TGM4: variants seen among roughly 807,000 people sequenced by gnomAD.
TGM4 encodes protein-glutamine gamma-glutamyltransferase 4.
A neutral mutation model predicts 76.3 loss-of-function variants in TGM4; 61 were observed. That is an observed-to-expected ratio of 0.80 (90% confidence interval 0.65 to 0.99). The LOEUF (loss-of-function observed/expected upper bound fraction) is 0.99. Ranked by LOEUF, TGM4 falls within the 50% of genes least tolerant of loss-of-function variation. The pLI is 0.00. For missense variants in TGM4, 794 were observed against 843.2 expected (o/e 0.94, Z 0.72); for synonymous variants, 337 against 329.8 (o/e 1.02, Z -0.24).
intron 1 of TGM4, among the ~76,000 whole-genome samples, chr3:44,880,240 G>A (rs1000584243): frequency 1.3e-5 from 2 of 152,168 alleles, no homozygotes; most frequent in African/African-American, 4.8e-5. Context: ...TTTATCTGTG[G>A]GAATGCCATA....
At chr3:44,874,793 C>T (rs1460975704) in intron 1 of TGM4, 96 bp downstream of exon 1, 5 of 1,462,784 alleles carry the variant, frequency 3.4e-6, no homozygotes, top group Admixed American at 3.6e-5. Context: ...GGGGCCATTG[C>T]CCTCTCACCC....
chr3:44,877,313 T>C (rs1227945293), intron 1 of TGM4, among the ~76,000 whole-genome samples: 1 of 152,104 alleles, frequency 6.6e-6, no homozygotes, highest in Non-Finnish European at 1.5e-5. Flanking sequence ...CCGGGTGTGG[T>C]GGGGTACACC....
chr3:44,913,905 T>G lies in TGM4; in HGVS notation c.*180T>G. ...ACCCACAAGGCCAGGTCCTGTGCTA[T>G]CACAGGGTCACCTCTTTTACAGTTA... On this transcript the variant is annotated 3_prime_UTR_variant, in exon 14 of 14. Transcript: ENST00000296125. 8.6e-6 allele frequency: 6 copies of G among 700,356 alleles called. No individual in the cohort carries two copies. Among genetic ancestry groups the G allele is most frequent in the Non-Finnish European group, 1.4e-5 (6 of 442,928 alleles). The allele number at this position is 700,356 out of a possible 1,614,324, so 43.4% of individuals were successfully genotyped here. A position where few individuals can be genotyped will look rare whatever the true frequency, so the allele number is the denominator to read the frequency against.
At chr3:44,891,191 C>T (rs1460566581) in intron 4 of TGM4, among the ~76,000 whole-genome samples, 1 of 152,210 alleles carries the variant, frequency 6.6e-6, no homozygotes, top group Non-Finnish European at 1.5e-5. Context: ...GTGCTTGAGG[C>T]TACTTCTGCC....
At chr3:44,893,945 ACCCCCCACAGCTCTCTCCTAC>A (rs1699740383) in intron 5 of TGM4, among the ~76,000 whole-genome samples, 6 of 49,738 alleles carry the variant, frequency 1.2e-4, no homozygotes, top group East Asian at 1.3e-3. Flanking sequence ...GCTCTCTCCC[ACCCCCCACAGCTCTCTCCTAC>A]CCCCCATGGC....
chr3:44,907,925 G>C (rs974034648), intron 10 of TGM4, among the ~76,000 whole-genome samples: 44 of 152,186 alleles, frequency 2.9e-4, no homozygotes, highest in Non-Finnish European at 8.8e-5. Flanking sequence ...CCAGACAGGG[G>C]CAAACTGAAG....
intron 10 of TGM4, among the ~76,000 whole-genome samples, chr3:44,908,869 G>A (rs371747596): frequency 1.8e-4 from 28 of 152,092 alleles, no homozygotes; most frequent in African/African-American, 6.8e-4. Flanking sequence ...ACACCACCAT[G>A]TATGGCCTAT....
chr3:44,913,543 C>T (rs1322396142), intron 13 of TGM4, 41 bp from the exon 14 acceptor site: 2 of 1,594,764 alleles, frequency 1.3e-6, no homozygotes, highest in African/African-American at 1.3e-5. Context: ...CCCATAACAT[C>T]CTTGGCTGAT....
At chr3:44,897,318 GA>G (rs943454220) in intron 6 of TGM4, among the ~76,000 whole-genome samples, 2 of 152,156 alleles carry the variant, frequency 1.3e-5, no homozygotes, top group African/African-American at 4.8e-5. Flanking sequence ...AGTCAGACCT[GA>G]GTCTGAACTC....
chr3:44,896,754 A>C lies in TGM4; in HGVS notation c.595A>C (p.Ser199Arg). 1 of 1,614,146 alleles carries C rather than the reference A, an allele frequency of 6.2e-7. No homozygotes were observed. Among genetic ancestry groups the C allele is most frequent in the South Asian group, 1.1e-5 (1 of 91,086 alleles). The change falls in exon 6 of 14, where the codon AGC becomes CGC. Residue 199 changes from serine to arginine, a missense_variant. Ser to Arg is a moderately radical substitution (Grantham distance 110). Coordinates refer to ENST00000296125, the MANE Select transcript of TGM4 (RefSeq NM_003241.4). ...CTGCTGCATTTCCCTGCTGACTGAG[A>C]GCTCCCTCAAGCCCACAGATAGGAG... ...LDCCISLLTESSLKPTDRRDP... is the reference protein window; with the variant it reads ...LDCCISLLTERSLKPTDRRDP...
intron 3 of TGM4, 36 bp from the exon 4 acceptor site, chr3:44,890,566 AG>A: frequency 6.2e-7 from 1 of 1,609,298 alleles, no homozygotes; most frequent in Non-Finnish European, 8.5e-7. Context: ...ATCTGGCCAG[AG>A]GGGGAGATGT....
Position 44,885,512 on chromosome 3 carries a change from G to A in TGM4, c.193+14G>A. 6.2e-7 allele frequency: 1 copy of A among 1,603,698 alleles called. No homozygotes were observed. On this transcript the variant is annotated intron_variant, in intron 2 of 13. Transcript: ENST00000296125. ...AATTCAGCACAGGTGAAGCCTCGGG[G>A]CCCTACTCATGGGGCTTTGGGGAGG...
chr3:44,903,542 G>A (rs1699881461), intron 8 of TGM4: 1 of 264,176 alleles, frequency 3.8e-6, no homozygotes, highest in Non-Finnish European at 7.3e-6. Flanking sequence ...TTCAAACACT[G>A]CAGATGTCAA....
rs543013365 is a variant in TGM4, at chr3:44,878,127, G to T, written c.19+3430G>T. ...GATCACACCATTGCACTCCAGCCTGGGAAACAGAATGAGACTCTGTCTCAA... is the reference window on the plus strand; with the variant it reads ...GATCACACCATTGCACTCCAGCCTGTGAAACAGAATGAGACTCTGTCTCAA... On this transcript the variant is annotated intron_variant, in intron 1 of 13. Transcript: ENST00000296125. Among the ~76,000 whole-genome samples, 195 of 151,682 alleles carry T rather than the reference G, an allele frequency of 1.3e-3. 1 individual carries two copies. The highest frequency in any genetic ancestry group is 1.7e-3 in the Non-Finnish European group (113 of 67,920).
At chr3:44,902,351 TC>T (rs1386592483) in intron 8 of TGM4, among the ~76,000 whole-genome samples, 1 of 152,208 alleles carries the variant, frequency 6.6e-6, no homozygotes, top group African/African-American at 2.4e-5. Flanking sequence ...ATGCCTGTAA[TC>T]CCAGCACTTT....
chr3:44,906,991 A>T lies in TGM4; in HGVS notation c.1118A>T (p.Lys373Ile). 6.2e-7 allele frequency: 1 copy of T among 1,614,090 alleles called. No homozygotes were observed. The highest frequency in any genetic ancestry group is 1.1e-5 in the South Asian group (1 of 91,072). ...CCATCACCACTGACCGCCATCCGCA[A>T]AGGTGACATCTTTATTGTCTATGAC... ...CGPSPLTAIR[K>I]GDIFIVYDTR... The change falls in exon 10 of 14, where the codon AAA becomes ATA. Residue 373 changes from lysine (K) to isoleucine (I), a missense_variant. Coordinates refer to ENST00000296125, the MANE Select transcript of TGM4 (RefSeq NM_003241.4).
chr3:44,885,341 C>A lies in TGM4; in HGVS notation c.36C>A (p.His12Gln). Reference sequence around the variant, plus strand: ...TGCTGACAGAGCTGCAAGTTCTCCACATTGACTTCTTGAATCAGGACAACG... The same window carrying A: ...TGCTGACAGAGCTGCAAGTTCTCCAAATTGACTTCTTGAATCAGGACAACG... ...MDASKELQVL[H>Q]IDFLNQDNAV... Residue 12 changes from histidine (H) to glutamine (Q), a missense_variant, in exon 2 of 14, where the codon CAC (histidine) becomes CAA (glutamine). Physicochemically the swap from His to Gln is conservative, Grantham distance 24 (BLOSUM62 0). Transcript: ENST00000296125. 6.2e-7 allele frequency: 1 copy of A among 1,608,668 alleles called. No individual in the cohort carries two copies. Among genetic ancestry groups the A allele is most frequent in the Non-Finnish European group, 8.5e-7 (1 of 1,175,598 alleles).
intron 1 of TGM4, among the ~76,000 whole-genome samples, chr3:44,884,567 A>T (rs1355206470): frequency 2.0e-5 from 3 of 152,012 alleles, no homozygotes; most frequent in Non-Finnish European, 4.4e-5. Context: ...TCCTGATCTC[A>T]GGTGATGCGC....
At chr3:44,902,431 C>T (rs1699867365) in intron 8 of TGM4, among the ~76,000 whole-genome samples, 1 of 152,048 alleles carries the variant, frequency 6.6e-6, no homozygotes, top group Admixed American at 6.6e-5. Context: ...GAAACCCCAT[C>T]TCTACTAAAA....
Sources: gnomAD v4.1 joint callset for allele counts (sites outside exome capture counted in the v4.1 genomes callset) on GRCh38, gnomAD v4.1.1 for gene constraint, MANE v1.5 for transcripts, NCBI Gene and HGNC (gene_info 2026-07-23, HGNC 2026-07-21) for gene names.